The following AP5M1 variants were observed in gnomAD, a reference collection of about 807,000 sequenced individuals.
AP5M1 encodes AP-5 complex subunit mu-1.
AP5M1 carries 44 observed loss-of-function variants against 52.3 expected under a neutral mutation model. The observed-to-expected ratio is 0.84, with a 90% CI of 0.66 to 1.08. The LOEUF is 1.08. Among genes scored for constraint, AP5M1 ranks in the 50% least tolerant of loss-of-function variants. The pLI, the probability that AP5M1 is intolerant of heterozygous loss-of-function variation, is 0.00. For missense variants in AP5M1, 526 were observed against 568.4 expected (o/e 0.93, Z 0.76); for synonymous variants, 213 against 199.0 (o/e 1.07, Z -0.59).
intron 2 of AP5M1, chr14:57,275,167 G>T: frequency 2.3e-6 from 1 of 426,292 alleles, no homozygotes; most frequent in South Asian, 2.2e-5. Context: ...AACTTTCAGG[G>T]TAGAATCACT....
chr14:57,290,911 G>A lies in AP5M1; in HGVS notation c.*2027G>A, dbSNP rs556192232. On this transcript the variant is annotated 3_prime_UTR_variant, in exon 8 of 8. Coordinates refer to ENST00000261558, the MANE Select transcript of AP5M1 (RefSeq NM_018229.4). Reference sequence around the variant, plus strand: ...CTGGGAACTCCTTAGTGTAATTAGCGACCTTTGAACTCCACAACTAATCCT... The same window carrying A: ...CTGGGAACTCCTTAGTGTAATTAGCAACCTTTGAACTCCACAACTAATCCT... 2 of 151,964 alleles carry A rather than the reference G, an allele frequency of 1.3e-5. No homozygotes were observed. Among genetic ancestry groups the A allele is most frequent in the Admixed American group, 6.6e-5 (1 of 15,230 alleles). The allele number at this position is 151,964 out of a possible 1,614,324, so 9.4% of individuals were successfully genotyped here.
At position 57,291,675 on chromosome 14, in the gene AP5M1, C is replaced by T. The variant is rs1885438425; in HGVS notation, c.*2791C>T. On this transcript the variant is annotated 3_prime_UTR_variant, in exon 8 of 8. Transcript: ENST00000261558. Reference sequence around the variant, plus strand: ...CATAAAATCGTTTTCATTTTTTTCACACCAATTCAGTATTTCTACTAGGTT... The same window carrying T: ...CATAAAATCGTTTTCATTTTTTTCATACCAATTCAGTATTTCTACTAGGTT... The T allele has an allele frequency of 6.6e-6, 1 of 151,704 alleles. No individual in the cohort carries two copies. The highest frequency in any genetic ancestry group is 1.5e-5 in the Non-Finnish European group (1 of 67,824). 9.4% of individuals were successfully genotyped at this position (151,704 alleles called of 1,614,324 possible).
At chr14:57,287,563 T>C (rs1170847482) in intron 7 of AP5M1, among the ~76,000 whole-genome samples, 1 of 152,102 alleles carries the variant, frequency 6.6e-6, no homozygotes, top group Non-Finnish European at 1.5e-5. Context: ...ACTGCAGTAA[T>C]TTCCAGAGAA....
In AP5M1 at chr14:57,296,461, A is replaced by G. The variant is rs1247684991; in HGVS notation, c.*7577A>G. 1.3e-5 allele frequency: 2 copies of G among 152,084 alleles called. No homozygotes were observed. The highest frequency in any genetic ancestry group is 2.9e-5 in the Non-Finnish European group (2 of 67,974). 9.4% of individuals were successfully genotyped at this position (152,084 alleles called of 1,614,324 possible). A position where few individuals can be genotyped will look rare whatever the true frequency, so the allele number is the denominator to read the frequency against. On this transcript the variant is annotated 3_prime_UTR_variant, in exon 8 of 8. Transcript: ENST00000261558. Reference sequence around the variant, plus strand: ...ATCATATATTTATTTTAAGTCTAGAATCAGTAAAAAGTTATGTGTTTGTCA... The same window carrying G: ...ATCATATATTTATTTTAAGTCTAGAGTCAGTAAAAAGTTATGTGTTTGTCA...
Position 57,292,789 on chromosome 14 carries a change from G to C in AP5M1, c.*3905G>C, listed in dbSNP as rs1251118506. 6.6e-6 allele frequency: 1 copy of C among 151,646 alleles called. No homozygotes were observed. The highest frequency in any genetic ancestry group is 1.5e-5 in the Non-Finnish European group (1 of 67,762). The allele number at this position is 151,646 out of a possible 1,614,324, so 9.4% of individuals were successfully genotyped here. ...CCCCCTACCACCACCACCACCATTAGAAAATGTCATACTGTGTGGTAAAGA... is the reference window on the plus strand; with the variant it reads ...CCCCCTACCACCACCACCACCATTACAAAATGTCATACTGTGTGGTAAAGA... On this transcript the variant is annotated 3_prime_UTR_variant, in exon 8 of 8. Coordinates refer to ENST00000261558, the MANE Select transcript of AP5M1 (RefSeq NM_018229.4).
chr14:57,274,994 G>T, intron 2 of AP5M1, 105 bp downstream of exon 2: 1 of 1,364,860 alleles, frequency 7.3e-7, no homozygotes, highest in East Asian at 2.4e-5. Context: ...TTCATCTTAA[G>T]CAGCAGTTTT....
chr14:57,272,913 TTGG>T (rs1884928274), intron 1 of AP5M1, among the ~76,000 whole-genome samples: 1 of 152,080 alleles, frequency 6.6e-6, no homozygotes, highest in Non-Finnish European at 1.5e-5. Flanking sequence ...GCTTGCTTGC[TTGG>T]TGTTTTTCTT....
At chr14:57,280,515 TAGAAA>T in intron 3 of AP5M1, 93 bp downstream of exon 3, 2 of 853,604 alleles carry the variant, frequency 2.3e-6, no homozygotes, top group South Asian at 1.7e-5. Context: ...TATGAGAACT[TAGAAA>T]AAGTTCTATT....
At chr14:57,283,049 T>TC (rs1657568209) in intron 5 of AP5M1, 30 bp downstream of exon 5, 3 of 1,571,268 alleles carry the variant, frequency 1.9e-6, no homozygotes, top group Non-Finnish European at 2.6e-6. Flanking sequence ...TGATTTTTTT[T>TC]CTTTTCATTT....
rs1046301736 is a variant in AP5M1 at position 57,292,942 on chromosome 14, T to C, written c.*4058T>C. 1 of 151,694 alleles carries C rather than the reference T, an allele frequency of 6.6e-6. No individual in the cohort carries two copies. Among genetic ancestry groups the C allele is most frequent in the Admixed American group, 6.6e-5 (1 of 15,154 alleles). 9.4% of individuals were successfully genotyped at this position (151,694 alleles called of 1,614,324 possible). A position where few individuals can be genotyped will look rare whatever the true frequency, so the allele number is the denominator to read the frequency against. On this transcript the variant is annotated 3_prime_UTR_variant, in exon 8 of 8. Transcript: ENST00000261558. ...CTTGTGTTTCCATTATAAGAATAATTGCATTCATTTTCAGAATGCTTTTTT... is the reference window on the plus strand; with the variant it reads ...CTTGTGTTTCCATTATAAGAATAATCGCATTCATTTTCAGAATGCTTTTTT...
chr14:57,276,258 T>TC (rs765878544), intron 2 of AP5M1, among the ~76,000 whole-genome samples: 11 of 152,188 alleles, frequency 7.2e-5, no homozygotes, highest in Non-Finnish European at 1.5e-4. Flanking sequence ...AAATCTTTTT[T>TC]CTCCTAAGTT....
At chr14:57,274,193 T>C (rs759773990) in intron 1 of AP5M1, 51 bp from the exon 2 acceptor site, 1 of 1,521,798 alleles carries the variant, frequency 6.6e-7, no homozygotes, top group Non-Finnish European at 8.8e-7. Flanking sequence ...TTCTTTCATC[T>C]TGATTTTACT....
chr14:57,273,804 C>A, intron 1 of AP5M1: 2 of 692,802 alleles, frequency 2.9e-6, no homozygotes, highest in East Asian at 2.7e-5. Context: ...CTAATGAATC[C>A]AAAATTATGG....
rs1170961910 is a variant in AP5M1 at position 57,274,665 on chromosome 14, G to C, written c.496G>C (p.Ala166Pro). The C allele has an allele frequency of 6.2e-7, 1 of 1,614,132 alleles. No homozygotes were observed. Among genetic ancestry groups the C allele is most frequent in the Non-Finnish European group, 8.5e-7 (1 of 1,180,018 alleles). ...LSQLPDLLLQ[A>P]CPFGTLLDAN... ...CCAGTTGCCTGACTTGCTTCTGCAGGCTTGTCCATTTGGTACTTTATTAGA... is the reference window on the plus strand; with the variant it reads ...CCAGTTGCCTGACTTGCTTCTGCAGCCTTGTCCATTTGGTACTTTATTAGA... Residue 166 changes from alanine to proline, a missense_variant, in exon 2 of 8, where the codon GCT becomes CCT. Coordinates refer to ENST00000261558, the MANE Select transcript of AP5M1 (RefSeq NM_018229.4).
chr14:57,279,787 GA>G (rs1429572434), intron 2 of AP5M1, among the ~76,000 whole-genome samples: 3 of 152,144 alleles, frequency 2.0e-5, no homozygotes, highest in Middle Eastern at 3.2e-3. Flanking sequence ...TTTGAGCATG[GA>G]AAAAATATAA....
At chr14:57,275,315 C>G (rs1594699457) in intron 2 of AP5M1, 1 of 225,626 alleles carries the variant, frequency 4.4e-6, no homozygotes, top group East Asian at 1.5e-4. Flanking sequence ...GCCTTAGTTC[C>G]TTTCCACATG....
At position 57,282,083 on chromosome 14, in the gene AP5M1, T is replaced by G. The variant is rs549176089; in HGVS notation, c.949-6T>G. 2.4e-5 allele frequency: 38 copies of G among 1,564,176 alleles called. No individual in the cohort carries two copies. The highest frequency in any genetic ancestry group is 3.1e-5 in the Non-Finnish European group (36 of 1,162,870). ...GAATTATATAGACATTTATGTTTCT[T>G]TTTAGGTCCCTGTCCCACCAATTTT... On this transcript the variant is annotated splice_polypyrimidine_tract_variant and splice_region_variant and intron_variant, in intron 3 of 7. Coordinates refer to ENST00000261558, the MANE Select transcript of AP5M1 (RefSeq NM_018229.4).
chr14:57,295,703 A>AATCCCT lies in AP5M1; in HGVS notation c.*6820_*6821insTCCCTA, dbSNP rs1472420254. On this transcript the variant is annotated 3_prime_UTR_variant, in exon 8 of 8. Coordinates refer to ENST00000261558, the MANE Select transcript of AP5M1 (RefSeq NM_018229.4). Reference sequence around the variant, plus strand: ...TCTGCTAAAGATTTTTGTCTCTAGGAAATATATTCCATTAAAAAAAAAAAG... The same window carrying AATCCCT: ...TCTGCTAAAGATTTTTGTCTCTAGGAATCCCTAATATATTCCATTAAAAAAAAAAAG... The AATCCCT allele has an allele frequency of 2.0e-5, 3 of 151,646 alleles. No individual in the cohort carries two copies. Among genetic ancestry groups the AATCCCT allele is most frequent in the African/African-American group, 4.8e-5 (2 of 41,336 alleles). The allele number at this position is 151,646 out of a possible 1,614,324, so 9.4% of individuals were successfully genotyped here.
intron 7 of AP5M1, among the ~76,000 whole-genome samples, chr14:57,286,784 A>G (rs1885317874): frequency 6.6e-6 from 1 of 152,162 alleles, no homozygotes; most frequent in African/African-American, 2.4e-5. Flanking sequence ...TTGACTTAGT[A>G]TGATGCTTAG....
Sources: gnomAD v4.1 joint callset for allele counts (sites outside exome capture counted in the v4.1 genomes callset) on GRCh38, gnomAD v4.1.1 for gene constraint, MANE v1.5 for transcripts, NCBI Gene and HGNC (gene_info 2026-07-23, HGNC 2026-07-21) for gene names.